The following TOPBP1 variants were observed in gnomAD, a reference collection of about 807,000 sequenced individuals.
TOPBP1 encodes DNA topoisomerase II binding protein 1, also known as DNA topoisomerase 2-binding protein 1.
A neutral mutation model predicts 167.7 loss-of-function variants in TOPBP1; 28 were observed. The ratio of observed to expected loss-of-function variants is 0.17; its 90% CI spans 0.12 to 0.23. TOPBP1 has a LOEUF of 0.23. TOPBP1 is among the 10% of genes least tolerant of loss of function. The pLI, the probability that TOPBP1 is intolerant of heterozygous loss-of-function variation, is 1.00. For missense variants in TOPBP1, 1,554 were observed against 1,809.6 expected, an observed-to-expected ratio of 0.86 and a Z score of 2.56; for synonymous variants, 598 against 611.4, an observed-to-expected ratio of 0.98 and a Z score of 0.32.
intron 27 of TOPBP1, among the ~76,000 whole-genome samples, 169 bp from the exon 28 acceptor site, chr3:133,601,562 T>C (rs1386908211): frequency 6.6e-6 from 1 of 152,208 alleles, no homozygotes; most frequent in Non-Finnish European, 1.5e-5. Context: ...ATGGACCCTG[T>C]GGGACAAAGT....
At chr3:133,612,216 A>G (rs571301414) in intron 24 of TOPBP1, among the ~76,000 whole-genome samples, 173 bp downstream of exon 24, 1 of 151,784 alleles carries the variant, frequency 6.6e-6, no homozygotes, top group Admixed American at 6.6e-5. Context: ...TAATCTTTGT[A>G]GTTTTAGTAG....
rs1198262031 is a variant in TOPBP1, at chr3:133,661,790, C to A, written c.-29G>T. The A allele has an allele frequency of 6.6e-6, 1 of 152,670 alleles. No individual in the cohort carries two copies. Among genetic ancestry groups the A allele is most frequent in the Non-Finnish European group, 1.5e-5 (1 of 68,078 alleles). The allele number at this position is 152,670 out of a possible 1,614,324, so 9.5% of individuals were successfully genotyped here. Reference sequence around the variant, plus strand: ...TTACCTCGTTGGAGCCTCGGGGTCTCCGGGCGGCGAGTCGGGGGACGCGCT... The same window carrying A: ...TTACCTCGTTGGAGCCTCGGGGTCTACGGGCGGCGAGTCGGGGGACGCGCT... On this transcript the variant is annotated 5_prime_UTR_variant, in exon 1 of 28. Coordinates refer to ENST00000260810, the MANE Select transcript of TOPBP1 (RefSeq NM_007027.4).
At chr3:133,614,764 C>CA in intron 23 of TOPBP1, among the ~76,000 whole-genome samples, 1 of 148,310 alleles carries the variant, frequency 6.7e-6, no homozygotes, top group East Asian at 2.0e-4. Context: ...AACTGGGAAA[C>CA]AAAGTGTTTT....
chr3:133,603,765 T>C (rs1002057305), intron 27 of TOPBP1, among the ~76,000 whole-genome samples: 2 of 149,826 alleles, frequency 1.3e-5, no homozygotes, highest in South Asian at 2.1e-4. Context: ...GTATCAGTAA[T>C]TGATATAACT....
In TOPBP1 at chr3:133,643,132, C is replaced by T. The variant is rs996391358; in HGVS notation, c.2021+68G>A. 21 of 1,387,572 alleles carry T rather than the reference C, an allele frequency of 1.5e-5. No individual in the cohort carries two copies. In the Admixed American group the frequency reaches 2.8e-4, roughly 18 times the overall value. The allele number at this position is 1,387,572 out of a possible 1,614,324, so 86.0% of individuals were successfully genotyped here. On this transcript the variant is annotated intron_variant, in intron 12 of 27. Coordinates refer to ENST00000260810, the MANE Select transcript of TOPBP1 (RefSeq NM_007027.4). ...ACCCAACCAAATTCTAATTTGAATG[C>T]TCTCCAAGAAGTCAAAATAAATAAA...
At chr3:133,630,247 T>C (rs1008171435) in intron 14 of TOPBP1, among the ~76,000 whole-genome samples, 2 of 151,994 alleles carry the variant, frequency 1.3e-5, no homozygotes, top group Non-Finnish European at 2.9e-5. Context: ...AACTGTGATA[T>C]AATACCCACG....
chr3:133,619,297 A>G (rs935219057), intron 20 of TOPBP1, among the ~76,000 whole-genome samples: 1 of 152,164 alleles, frequency 6.6e-6, no homozygotes, highest in Non-Finnish European at 1.5e-5. Context: ...ATAAAACATG[A>G]TCTGAAGCAT....
chr3:133,603,609 C>T (rs58762584), intron 27 of TOPBP1, among the ~76,000 whole-genome samples: 4 of 152,020 alleles, frequency 2.6e-5, no homozygotes, highest in East Asian at 1.9e-4. Flanking sequence ...CCCAGAGATA[C>T]GTGTTATAAC....
At chr3:133,608,005 T>C (rs1402276838) in intron 27 of TOPBP1, among the ~76,000 whole-genome samples, 1 of 152,252 alleles carries the variant, frequency 6.6e-6, no homozygotes, top group African/African-American at 2.4e-5. Flanking sequence ...CTTATGATTA[T>C]GTGTCATGCC....
chr3:133,656,541 C>G (rs1936483214), intron 5 of TOPBP1, 135 bp downstream of exon 5: 17 of 832,732 alleles, frequency 2.0e-5, no homozygotes, highest in Admixed American at 7.3e-5. Flanking sequence ...TTCTGCTCTT[C>G]CGTTTTCGCT....
chr3:133,621,670 C>T (rs1935092355), intron 19 of TOPBP1, among the ~76,000 whole-genome samples: 1 of 152,120 alleles, frequency 6.6e-6, no homozygotes, highest in Non-Finnish European at 1.5e-5. Context: ...AGGGACAAGA[C>T]AACTGTATTT....
In TOPBP1 at chr3:133,644,251, A is replaced by G. The variant is rs1465822525; in HGVS notation, c.1617T>C (p.His539=). ...TAATTGTAGAAACATCAGGGACACA[A>G]TGACTGACAGAAGACTGGTTTTCTT... The part of the protein sequence containing the change: ...LQEENQSSVS[H]CVPDVSTITE... The change falls in exon 11 of 28, where the codon CAT becomes CAC. Residue 539 remains histidine (H), a synonymous_variant. Transcript: ENST00000260810. 6.2e-7 allele frequency: 1 copy of G among 1,613,894 alleles called. No homozygotes were observed. Among genetic ancestry groups the G allele is most frequent in the East Asian group, 2.2e-5 (1 of 44,882 alleles).
chr3:133,630,626 C>G (rs959551321), intron 14 of TOPBP1, among the ~76,000 whole-genome samples: 1 of 151,960 alleles, frequency 6.6e-6, no homozygotes, highest in African/African-American at 2.4e-5. Context: ...GAGACGGGGT[C>G]TTGCTCTCTT....
At chr3:133,625,031 A>G (rs1271216829) in intron 16 of TOPBP1, among the ~76,000 whole-genome samples, 2 of 152,122 alleles carry the variant, frequency 1.3e-5, no homozygotes, top group African/African-American at 4.8e-5. Flanking sequence ...CAGTGGCACA[A>G]TCTTGGTTCA....
At chr3:133,624,707 C>T (rs1270003061) in intron 16 of TOPBP1, among the ~76,000 whole-genome samples, 3 of 152,108 alleles carry the variant, frequency 2.0e-5, no homozygotes, top group Non-Finnish European at 4.4e-5. Context: ...CCAACTTGCC[C>T]TCCAGTTGCT....
intron 20 of TOPBP1, 148 bp from the exon 21 acceptor site, chr3:133,618,581 C>T: frequency 1.6e-6 from 1 of 623,246 alleles, no homozygotes. Context: ...AATAAATGAA[C>T]CTAGGGACAT....
At chr3:133,630,220 T>C (rs1935423979) in intron 14 of TOPBP1, among the ~76,000 whole-genome samples, 1 of 152,148 alleles carries the variant, frequency 6.6e-6, no homozygotes, top group African/African-American at 2.4e-5. Flanking sequence ...TTGTATGAAT[T>C]TATATGTGCA....
At chr3:133,642,245 C>T (rs1163723494) in intron 12 of TOPBP1, among the ~76,000 whole-genome samples, 1 of 152,154 alleles carries the variant, frequency 6.6e-6, no homozygotes, top group Non-Finnish European at 1.5e-5. Context: ...AATCTTTTAG[C>T]CTCCCGAGTG....
intron 27 of TOPBP1, among the ~76,000 whole-genome samples, chr3:133,606,699 G>C (rs1186008735): frequency 6.6e-6 from 1 of 151,938 alleles, no homozygotes; most frequent in African/African-American, 2.4e-5. Flanking sequence ...AAACAGAATA[G>C]AGACTCACAA....
Sources: allele counts gnomAD v4.1 joint callset (sites outside exome capture counted in the v4.1 genomes callset), GRCh38; gene constraint gnomAD v4.1.1; transcripts MANE v1.5; gene names NCBI Gene and HGNC (gene_info 2026-07-23, HGNC 2026-07-21).